The following ERC1 variants were observed in gnomAD, a reference collection of about 807,000 sequenced individuals.
ERC1 encodes the protein RAB6 interacting protein 2.
Under a neutral mutation model 132.0 loss-of-function variants are expected in ERC1, and 56 were observed. The ratio of observed to expected loss-of-function variants is 0.42; its 90% CI spans 0.34 to 0.53. The LOEUF is 0.53. Among genes scored for constraint, ERC1 ranks in the 20% least tolerant of loss-of-function variants. The probability of loss-of-function intolerance (pLI) is 0.03; values close to 1 mark genes in which losing one functional copy is unlikely to be tolerated. For missense variants in ERC1, 1,202 were observed against 1,349.9 expected, an observed-to-expected ratio of 0.89 and a Z score of 1.72; for synonymous variants, 478 against 476.1, an observed-to-expected ratio of 1.00 and a Z score of -0.05.
chr12:1,094,317 C>A (rs924660194), intron 3 of ERC1, among the ~76,000 whole-genome samples: 2 of 150,398 alleles, frequency 1.3e-5, no homozygotes, highest in African/African-American at 4.9e-5. Context: ...CCACACCCGG[C>A]CAAAAAAGAA....
chr12:1,024,382 C>G (rs1015211375), intron 1 of ERC1, among the ~76,000 whole-genome samples: 1 of 152,002 alleles, frequency 6.6e-6, no homozygotes, highest in Non-Finnish European at 1.5e-5. Flanking sequence ...CTTGTCTCAA[C>G]AAACAAAAAC....
At chr12:1,255,364 G>T (rs1215604807) in intron 13 of ERC1, among the ~76,000 whole-genome samples, 1 of 152,070 alleles carries the variant, frequency 6.6e-6, no homozygotes, top group Non-Finnish European at 1.5e-5. Context: ...ATTTAGGTTG[G>T]TTCCAAGTCG....
intron 12 of ERC1, among the ~76,000 whole-genome samples, chr12:1,208,690 G>A (rs1038605900): frequency 6.6e-6 from 1 of 152,168 alleles, no homozygotes; most frequent in Non-Finnish European, 1.5e-5. Context: ...GCGTGTTCCA[G>A]TTGTGTCTTC....
chr12:1,045,799 C>T (rs1970989168), intron 2 of ERC1, among the ~76,000 whole-genome samples: 1 of 151,972 alleles, frequency 6.6e-6, no homozygotes, highest in African/African-American at 2.4e-5. Flanking sequence ...ATTAAAATTC[C>T]TCTGTGTTTT....
At chr12:1,131,453 C>G (rs897963869) in intron 7 of ERC1, among the ~76,000 whole-genome samples, 1 of 152,028 alleles carries the variant, frequency 6.6e-6, no homozygotes, top group Non-Finnish European at 1.5e-5. Context: ...AGTTAAGGTA[C>G]GTTGAGAGAA....
rs555493523 is a variant in ERC1 at position 1,429,766 on chromosome 12, G to A, written c.3025-14796G>A. Among the ~76,000 whole-genome samples, 16 of 152,304 alleles carry A rather than the reference G, an allele frequency of 1.1e-4. No homozygotes were observed. The South Asian group carries it at 3.1e-3, about 30-fold the overall frequency. On this transcript the variant is annotated intron_variant, in intron 17 of 18. Coordinates refer to ENST00000360905, the MANE Select transcript of ERC1 (RefSeq NM_178040.4). ...ACTCTTGAAGGAGCAGTAGGCATTT[G>A]CCAGGCAGATACAATTTTAGATAAG...
chr12:1,063,812 G>C (rs1246650638), intron 2 of ERC1, among the ~76,000 whole-genome samples: 2 of 151,966 alleles, frequency 1.3e-5, no homozygotes, highest in African/African-American at 4.8e-5. Flanking sequence ...GCTGTTTGGT[G>C]GTATTCTGTA....
chr12:1,307,080 G>A (rs989115064), intron 15 of ERC1, among the ~76,000 whole-genome samples: 2 of 152,102 alleles, frequency 1.3e-5, no homozygotes, highest in Non-Finnish European at 1.5e-5. Flanking sequence ...CTCTTTGATC[G>A]CTAAGAAGAT....
intron 8 of ERC1, among the ~76,000 whole-genome samples, chr12:1,168,422 CA>C (rs1235657401): frequency 5.3e-5 from 8 of 150,910 alleles, no homozygotes; most frequent in Admixed American, 3.3e-4. Flanking sequence ...CTGCACTGGC[CA>C]AATTTGGCAC....
chr12:1,394,047 A>ACAAAGCAT (rs2090275383), intron 16 of ERC1, among the ~76,000 whole-genome samples: 2 of 59,884 alleles, frequency 3.3e-5, no homozygotes, highest in Non-Finnish European at 6.7e-5. Flanking sequence ...AAAAAAAACC[A>ACAAAGCAT]CAAAGCATTA....
chr12:1,063,129 A>G (rs187557833), intron 2 of ERC1, among the ~76,000 whole-genome samples: 4 of 151,928 alleles, frequency 2.6e-5, no homozygotes, highest in Admixed American at 6.6e-5. Context: ...CTGTAGTAGC[A>G]TGATCTTGGC....
intron 4 of ERC1, among the ~76,000 whole-genome samples, chr12:1,109,167 C>A (rs1269922103): frequency 6.6e-6 from 1 of 152,058 alleles, no homozygotes; most frequent in East Asian, 1.9e-4. Context: ...TGTAAAGTAG[C>A]CTGGGGAGAA....
At chr12:1,119,556 TGTGTGTGTGTGTGA>T (rs59757710) in intron 7 of ERC1, among the ~76,000 whole-genome samples, 51,974 of 101,404 alleles carry the variant, frequency 0.51, 11,730 homozygotes, top group South Asian at 0.58. Flanking sequence ...TGTGTGTGTG[TGTGTGTGTGTGTGA>T]GATGGAGTTT....
intron 18 of ERC1, among the ~76,000 whole-genome samples, chr12:1,478,303 T>C (rs1376068249): frequency 6.6e-6 from 1 of 152,070 alleles, no homozygotes; most frequent in African/African-American, 2.4e-5. Context: ...TGATGACTAA[T>C]GAGTTATCCA....
rs1209673127 is a variant in ERC1, at chr12:1,493,884, C to T, written c.*3654C>T. On this transcript the variant is annotated 3_prime_UTR_variant, in exon 19 of 19. Transcript: ENST00000360905. Reference sequence around the variant, plus strand: ...GTCTTAGCCACCTGCTGAACTAATCCCTCCGCTATTGAGGGTCAGGGTTGT... The same window carrying T: ...GTCTTAGCCACCTGCTGAACTAATCTCTCCGCTATTGAGGGTCAGGGTTGT... 4.4e-6 allele frequency: 1 copy of T among 229,492 alleles called. No homozygotes were observed. The highest frequency in any genetic ancestry group is 8.6e-6 in the Non-Finnish European group (1 of 115,918). 14.2% of individuals were successfully genotyped at this position (229,492 alleles called of 1,614,324 possible). A position where few individuals can be genotyped will look rare whatever the true frequency, so the allele number is the denominator to read the frequency against.
At chr12:1,183,882 T>A (rs1290714308) in intron 11 of ERC1, among the ~76,000 whole-genome samples, 3 of 151,872 alleles carry the variant, frequency 2.0e-5, no homozygotes, top group African/African-American at 7.3e-5. Context: ...ATGCCTGTAA[T>A]CCCAGCACTT....
intron 8 of ERC1, among the ~76,000 whole-genome samples, chr12:1,162,570 A>G (rs1293448443): frequency 6.7e-6 from 1 of 150,152 alleles, no homozygotes; most frequent in Non-Finnish European, 1.5e-5. Context: ...GGTCCTTTGT[A>G]TGTTCCGTTT....
chr12:1,399,681 T>G (rs2090852449), intron 16 of ERC1, among the ~76,000 whole-genome samples: 1 of 152,250 alleles, frequency 6.6e-6, no homozygotes, highest in Non-Finnish European at 1.5e-5. Context: ...CTTGGCATCA[T>G]GTTTTCAAGG....
chr12:1,470,634 T>C (rs901545235), intron 18 of ERC1, among the ~76,000 whole-genome samples: 9 of 152,174 alleles, frequency 5.9e-5, no homozygotes, highest in Non-Finnish European at 1.3e-4. Flanking sequence ...GAGCCCTTAA[T>C]TTGAACGTCT....
Sources: gnomAD v4.1 joint callset for allele counts (sites outside exome capture counted in the v4.1 genomes callset) on GRCh38, gnomAD v4.1.1 for gene constraint, MANE v1.5 for transcripts, NCBI Gene and HGNC (gene_info 2026-07-23, HGNC 2026-07-21) for gene names.